C4orf17: variants seen among roughly 807,000 people sequenced by gnomAD.
C4orf17 encodes the protein uncharacterized protein C4orf17.
In C4orf17, 25 loss-of-function variants were observed where a neutral mutation model predicts 32.0. The ratio of observed to expected loss-of-function variants is 0.78; its 90% CI spans 0.57 to 1.09. C4orf17 has a LOEUF of 1.09. Among genes scored for constraint, C4orf17 ranks in the 50% least tolerant of loss-of-function variants. The pLI is 0.00. For synonymous variants in C4orf17, 149 were observed against 145.8 expected (o/e 1.02, Z -0.16); for missense variants, 420 against 420.0 (o/e 1.00, Z 0.00).
chr4:99,532,080 T>G (rs34500159), intron 5 of C4orf17, among the ~76,000 whole-genome samples: 13,179 of 152,104 alleles, frequency 0.087, 1,039 homozygotes, highest in African/African-American at 0.2. Flanking sequence ...TCTGCCAAAC[T>G]CTTATAAACT....
intron 2 of C4orf17, among the ~76,000 whole-genome samples, chr4:99,515,786 T>C (rs931807741): frequency 1.3e-5 from 2 of 150,684 alleles, no homozygotes; most frequent in African/African-American, 2.4e-5. Flanking sequence ...AAATTAATTA[T>C]TAAAAAAATT....
At chr4:99,524,197 G>GAC (rs1560587583) in intron 3 of C4orf17, among the ~76,000 whole-genome samples, 1 of 151,792 alleles carries the variant, frequency 6.6e-6, no homozygotes, top group Admixed American at 6.6e-5. Context: ...TAGCCAGGAT[G>GAC]GTCTCGATCT....
Position 99,513,132 on chromosome 4 carries a change from C to G in C4orf17, c.51C>G (p.Ser17Arg). 1 of 1,613,874 alleles carries G rather than the reference C, an allele frequency of 6.2e-7. No homozygotes were observed. The highest frequency in any genetic ancestry group is 1.3e-5 in the African/African-American group (1 of 75,014). The change falls in exon 2 of 9, where the codon AGC (serine) becomes AGG (arginine). Residue 17 changes from serine (S) to arginine (R), a missense_variant. Ser to Arg is a moderately radical substitution (Grantham distance 110). Coordinates refer to ENST00000326581, the MANE Select transcript of C4orf17 (RefSeq NM_032149.3). The stretch of plus-strand genomic sequence containing the variant: ...CTCTTCAGATCGAGGGCAAAGGCAG[C>G]CATATTATGGCTAGAAATGTAAGCT... ...TSALQIEGKG[S>R]HIMARNVSCF...
At chr4:99,521,092 G>A (rs955464152) in intron 2 of C4orf17, among the ~76,000 whole-genome samples, 1 of 152,016 alleles carries the variant, frequency 6.6e-6, no homozygotes, top group African/African-American at 2.4e-5. Flanking sequence ...ATGTAGATGG[G>A]GCCAGGCACG....
At chr4:99,522,814 G>C in intron 3 of C4orf17, 105 bp downstream of exon 3, 1 of 837,230 alleles carries the variant, frequency 1.2e-6, no homozygotes. Flanking sequence ...TTTACATCAA[G>C]TTTCCTCACT....
intron 2 of C4orf17, among the ~76,000 whole-genome samples, chr4:99,520,231 AG>A (rs1723262995): frequency 6.6e-6 from 1 of 150,768 alleles, no homozygotes; most frequent in African/African-American, 2.4e-5. Flanking sequence ...CTGGAACTAC[AG>A]GCGCCTGCCA....
At chr4:99,534,293 T>C (rs781773674) in intron 5 of C4orf17, among the ~76,000 whole-genome samples, 1 of 152,188 alleles carries the variant, frequency 6.6e-6, no homozygotes, top group Admixed American at 6.5e-5. Context: ...CCTCCATCTA[T>C]GTCCTTGCAA....
chr4:99,522,680 G>C lies in C4orf17; in HGVS notation c.308G>C (p.Gly103Ala), dbSNP rs754939047. The part of the protein sequence containing the change: ...PVRGMSPAPN[G>A]AKVPPRPHSE... ...AGAGGAATGTCGCCAGCCCCAAACGGTGCCAAAGTGCCTCCACGGCCTCAT... is the reference window on the plus strand; with the variant it reads ...AGAGGAATGTCGCCAGCCCCAAACGCTGCCAAAGTGCCTCCACGGCCTCAT... The change falls in exon 3 of 9, where the codon GGT becomes GCT. Residue 103 changes from glycine (G) to alanine (A), a missense_variant. Gly to Ala is a moderately conservative substitution (Grantham distance 60, BLOSUM62 0). Coordinates refer to ENST00000326581, the MANE Select transcript of C4orf17 (RefSeq NM_032149.3). The C allele has an allele frequency of 6.2e-7, 1 of 1,613,818 alleles. No individual in the cohort carries two copies. The highest frequency in any genetic ancestry group is 1.1e-5 in the South Asian group (1 of 91,066).
chr4:99,539,124 A>G, intron 6 of C4orf17, 39 bp from the exon 7 acceptor site: 1 of 1,570,050 alleles, frequency 6.4e-7, no homozygotes, highest in Admixed American at 1.7e-5. Flanking sequence ...GATAATTGCA[A>G]CCTTCACTCC....
At chr4:99,512,424 T>C (rs1419519936) in intron 1 of C4orf17, among the ~76,000 whole-genome samples, 1 of 152,186 alleles carries the variant, frequency 6.6e-6, no homozygotes, top group Non-Finnish European at 1.5e-5. Flanking sequence ...TGTTAACTGT[T>C]ACTCAATATT....
In C4orf17 at chr4:99,539,243, A is replaced by G. The variant is rs984030695; in HGVS notation, c.709A>G (p.Met237Val). 1.2e-6 allele frequency: 2 copies of G among 1,614,116 alleles called. No individual in the cohort carries two copies. The highest frequency in any genetic ancestry group is 1.7e-6 in the Non-Finnish European group (2 of 1,179,960). Reference protein sequence around the residue: ...LLTHHRRNTSMEPAAETGKPP... With the variant: ...LLTHHRRNTSVEPAAETGKPP... ...AACTCATCACAGAAGAAACACCTCA[A>G]TGGAACCAGCAGCAGAGACTGGGAA... The change falls in exon 7 of 9, where the codon ATG (methionine) becomes GTG (valine). Residue 237 changes from methionine (M) to valine (V), a missense_variant. Met to Val is a conservative substitution (Grantham distance 21). Coordinates refer to ENST00000326581, the MANE Select transcript of C4orf17 (RefSeq NM_032149.3).
At chr4:99,524,749 A>C (rs947053464) in intron 4 of C4orf17, among the ~76,000 whole-genome samples, 164 bp downstream of exon 4, 3 of 152,190 alleles carry the variant, frequency 2.0e-5, no homozygotes, top group Non-Finnish European at 4.4e-5. Context: ...AAAATGCACA[A>C]TTTAATGAGC....
In C4orf17 at chr4:99,511,204, A is replaced by T. The variant is rs767915795; in HGVS notation, c.-162A>T. ...AAAAACTCAGTCTAGACATATTATG[A>T]GGCTGGGAGGGTATCAACAGACTTG... On this transcript the variant is annotated 5_prime_UTR_variant, in exon 1 of 9. Coordinates refer to ENST00000326581, the MANE Select transcript of C4orf17 (RefSeq NM_032149.3). 1 of 152,188 alleles carries T rather than the reference A, an allele frequency of 6.6e-6. No individual in the cohort carries two copies. The highest frequency in any genetic ancestry group is 1.5e-5 in the Non-Finnish European group (1 of 68,016). 9.4% of individuals were successfully genotyped at this position (152,188 alleles called of 1,614,324 possible).
intron 1 of C4orf17, 75 bp from the exon 2 acceptor site, chr4:99,512,914 A>C (rs996280884): frequency 7.5e-6 from 5 of 666,180 alleles, no homozygotes; most frequent in Non-Finnish European, 1.2e-5. Flanking sequence ...CAAGCAAAGA[A>C]GATGGAGAAA....
chr4:99,525,184 TC>T (rs1723365564), intron 4 of C4orf17, among the ~76,000 whole-genome samples: 1 of 152,212 alleles, frequency 6.6e-6, no homozygotes, highest in Non-Finnish European at 1.5e-5. Context: ...CCTGGATAAT[TC>T]CTATGAGTGA....
At chr4:99,532,303 G>A (rs1347618852) in intron 5 of C4orf17, among the ~76,000 whole-genome samples, 1 of 152,044 alleles carries the variant, frequency 6.6e-6, no homozygotes, top group Non-Finnish European at 1.5e-5. Context: ...ATCAACCTCA[G>A]TGCCCATCAG....
intron 7 of C4orf17, among the ~76,000 whole-genome samples, chr4:99,539,616 GA>G (rs1295558797): frequency 1.3e-5 from 2 of 152,006 alleles, no homozygotes; most frequent in Non-Finnish European, 2.9e-5. Flanking sequence ...TTCTTTTTAA[GA>G]AAAATTATTT....
At chr4:99,520,520 T>C (rs1723268490) in intron 2 of C4orf17, among the ~76,000 whole-genome samples, 1 of 152,242 alleles carries the variant, frequency 6.6e-6, no homozygotes, top group Non-Finnish European at 1.5e-5. Flanking sequence ...CTATATTTTA[T>C]TTCACATTCT....
At position 99,535,957 on chromosome 4, in the gene C4orf17, C is replaced by G. The variant is rs1484837864; in HGVS notation, c.547-1712C>G. On this transcript the variant is annotated intron_variant, in intron 5 of 8. Coordinates refer to ENST00000326581, the MANE Select transcript of C4orf17 (RefSeq NM_032149.3). ...GTTGTTGTTTTTTTCTGTTTTTCTTCTAACAGGCCACTCTTCTGTAGGGCT... is the reference window on the plus strand; with the variant it reads ...GTTGTTGTTTTTTTCTGTTTTTCTTGTAACAGGCCACTCTTCTGTAGGGCT... 7.0e-6 allele frequency: 3 copies of G among 429,198 alleles called. No homozygotes were observed. In the Admixed American group the frequency reaches 7.5e-5, roughly 11 times the overall value. The allele number at this position is 429,198 out of a possible 1,614,324, so 26.6% of individuals were successfully genotyped here.
Sources: allele counts gnomAD v4.1 joint callset (sites outside exome capture counted in the v4.1 genomes callset), GRCh38; gene constraint gnomAD v4.1.1; transcripts MANE v1.5; gene names NCBI Gene and HGNC (gene_info 2026-07-23, HGNC 2026-07-21).